Variants in CYSTM1 observed in about 807,000 individuals in gnomAD.
CYSTM1 encodes the protein cysteine-rich transmembrane module-containing protein 1.
In CYSTM1, 4 loss-of-function variants were observed where a neutral mutation model predicts 13.1. The observed-to-expected ratio is 0.31, with a 90% CI of 0.15 to 0.70. CYSTM1 has a LOEUF of 0.70. Among genes scored for constraint, CYSTM1 ranks in the 30% least tolerant of loss-of-function variants. The pLI is 0.72. For missense variants in CYSTM1, 96 were observed against 121.6 expected (o/e 0.79, Z 0.99); for synonymous variants, 36 against 42.7 (o/e 0.84, Z 0.62).
chr5:140,179,559 GAAAAAT>G (rs1283596156), intron 1 of CYSTM1, among the ~76,000 whole-genome samples: 1 of 151,804 alleles, frequency 6.6e-6, no homozygotes, highest in Non-Finnish European at 1.5e-5. Flanking sequence ...GACTCTGTCT[GAAAAAT>G]AAAAATAAAA....
At chr5:140,242,220 A>G (rs2126674508) in intron 2 of CYSTM1, among the ~76,000 whole-genome samples, 1 of 152,226 alleles carries the variant, frequency 6.6e-6, no homozygotes, top group East Asian at 1.9e-4. Context: ...GCCATAGGAG[A>G]AGGAAAAGGA....
At position 140,193,269 on chromosome 5, in the gene CYSTM1, A is replaced by ATTGT. The variant is rs36159423; in HGVS notation, c.-20-1150_-20-1147dup. ...AGTTTATACTTTGCATTCCCCAGTA[A>ATTGT]TTGTTTGTTTGTTTGTTTGTTTGTT... On this transcript the variant is annotated intron_variant, in intron 1 of 2. Transcript: ENST00000261811. 2.0e-3 allele frequency among the ~76,000 whole-genome samples: 306 copies of ATTGT among 151,096 alleles called. 2 individuals carry two copies. The highest frequency in any genetic ancestry group is 0.02 in the East Asian group (102 of 5,108).
At chr5:140,207,386 G>A (rs1218448031) in intron 2 of CYSTM1, among the ~76,000 whole-genome samples, 1 of 152,172 alleles carries the variant, frequency 6.6e-6, no homozygotes, top group Non-Finnish European at 1.5e-5. Context: ...AGCTTGGAGG[G>A]AAACTACCCC....
At chr5:140,226,612 A>ATATATATATATATAT (rs57697155) in intron 2 of CYSTM1, among the ~76,000 whole-genome samples, 2 of 90,844 alleles carry the variant, frequency 2.2e-5, no homozygotes, top group Non-Finnish European at 4.2e-5. Context: ...ATATATATAT[A>ATATATATATATATAT]AAAATTAGCC....
At chr5:140,237,991 C>T (rs570020151) in intron 2 of CYSTM1, among the ~76,000 whole-genome samples, 3 of 152,308 alleles carry the variant, frequency 2.0e-5, no homozygotes, top group South Asian at 4.1e-4. Flanking sequence ...TGTAAACGCC[C>T]GCACCTGTCT....
intron 2 of CYSTM1, among the ~76,000 whole-genome samples, chr5:140,209,798 G>T (rs1359492339): frequency 6.6e-6 from 1 of 152,164 alleles, no homozygotes; most frequent in Non-Finnish European, 1.5e-5. Flanking sequence ...GACCTCAGGT[G>T]ATCTGCCCAC....
chr5:140,211,526 C>G (rs1254075116), intron 2 of CYSTM1, among the ~76,000 whole-genome samples: 2 of 152,182 alleles, frequency 1.3e-5, no homozygotes, highest in African/African-American at 4.8e-5. Flanking sequence ...TCTATGATCC[C>G]CCAGATCTCT....
At chr5:140,176,937 C>T (rs569146091) in intron 1 of CYSTM1, among the ~76,000 whole-genome samples, 281 of 152,002 alleles carry the variant, frequency 1.8e-3, no homozygotes, top group Middle Eastern at 3.4e-3. Flanking sequence ...GGCGTGGTGG[C>T]GGGCGCCTGT....
rs61099181 is a variant in CYSTM1, at chr5:140,226,613, A to ATATATATAT, written c.188-16692_188-16691insTATATATAT. ...ATATATATATATATATATATATATA[A>ATATATATAT]AAATTAGCCAGATGTGATGGCGCAT... is the stretch of plus-strand genomic sequence containing the variant. On this transcript the variant is annotated intron_variant, in intron 2 of 2. Coordinates refer to ENST00000261811, the MANE Select transcript of CYSTM1 (RefSeq NM_032412.4). Among the ~76,000 whole-genome samples the ATATATATAT allele has an allele frequency of 9.8e-3, 835 of 84,956 alleles. 19 individuals are homozygous for ATATATATAT. The highest frequency in any genetic ancestry group is 0.011 in the Non-Finnish European group (498 of 45,450). 55.7% of individuals were successfully genotyped at this position (84,956 alleles called of 152,430 possible).
At chr5:140,202,509 C>G (rs1467523816) in intron 2 of CYSTM1, 3 of 152,206 alleles carry the variant, frequency 2.0e-5, no homozygotes, top group African/African-American at 7.2e-5. Context: ...ATAATTTGGA[C>G]AGGGCTTGAG....
At chr5:140,229,083 T>G (rs574694776) in intron 2 of CYSTM1, among the ~76,000 whole-genome samples, 1 of 152,334 alleles carries the variant, frequency 6.6e-6, no homozygotes, top group African/African-American at 2.4e-5. Flanking sequence ...ATTATACATA[T>G]TCTTAGCCTG....
rs1272532349 is a variant in CYSTM1 at position 140,239,169 on chromosome 5, C to T, written c.188-4136C>T. On this transcript the variant is annotated intron_variant, in intron 2 of 2. Transcript: ENST00000261811. The surrounding 1 kb of genome is among the most constrained non-coding windows in gnomAD (Gnocchi z 5.4). ...GGCTCAATTACCACATCAAGGCACT[C>T]GATTCATCATTTACAAAGTCCCAGC... is the stretch of plus-strand genomic sequence containing the variant. Among the ~76,000 whole-genome samples, 1 of 152,128 alleles carries T rather than the reference C, an allele frequency of 6.6e-6. No individual in the cohort carries two copies. The highest frequency in any genetic ancestry group is 2.4e-5 in the African/African-American group (1 of 41,424).
chr5:140,215,339 C>A (rs963764706), intron 2 of CYSTM1, among the ~76,000 whole-genome samples: 11 of 152,010 alleles, frequency 7.2e-5, no homozygotes, highest in African/African-American at 2.4e-4. Context: ...GGATTGGTAT[C>A]TTTATCACTG....
chr5:140,210,154 C>T (rs1034021012), intron 2 of CYSTM1, among the ~76,000 whole-genome samples: 2 of 152,128 alleles, frequency 1.3e-5, no homozygotes, highest in African/African-American at 2.4e-5. Flanking sequence ...CTAGTCAGTT[C>T]TTGTTTATAC....
intron 2 of CYSTM1, among the ~76,000 whole-genome samples, chr5:140,242,238 C>T (rs999886769): frequency 6.6e-6 from 1 of 152,092 alleles, no homozygotes; most frequent in Non-Finnish European, 1.5e-5. Context: ...GGAACATGTC[C>T]GTGCAGTAGA....
intron 2 of CYSTM1, 47 bp from the exon 3 acceptor site, chr5:140,243,258 G>T: frequency 6.5e-7 from 1 of 1,543,808 alleles, no homozygotes; most frequent in East Asian, 2.2e-5. Context: ...GCAGGGCCTG[G>T]GGTTTGCACC....
intron 2 of CYSTM1, among the ~76,000 whole-genome samples, chr5:140,216,887 G>A (rs184651103): frequency 6.6e-6 from 1 of 150,796 alleles, no homozygotes; most frequent in East Asian, 2.0e-4. Flanking sequence ...CTCCCTCTAT[G>A]ACACACACAC....
intron 1 of CYSTM1, among the ~76,000 whole-genome samples, chr5:140,186,659 C>G (rs1561808602): frequency 1.3e-5 from 2 of 152,180 alleles, no homozygotes; most frequent in Non-Finnish European, 2.9e-5. Context: ...TAGGAACTGT[C>G]TCTTGCTTAC....
At chr5:140,199,427 T>C (rs2126659170) in intron 2 of CYSTM1, among the ~76,000 whole-genome samples, 1 of 152,328 alleles carries the variant, frequency 6.6e-6, no homozygotes, top group East Asian at 1.9e-4. Flanking sequence ...CCACCAGCAG[T>C]GTAAAAGTGT....
Sources: gnomAD v4.1 joint callset for allele counts (sites outside exome capture counted in the v4.1 genomes callset) on GRCh38, gnomAD v4.1.1 for gene constraint, Gnocchi (gnomAD v3.1) non-coding constraint, MANE v1.5 for transcripts, NCBI Gene and HGNC (gene_info 2026-07-23, HGNC 2026-07-21) for gene names.